Variants in MARCHF1 observed in about 807,000 individuals in gnomAD.
The protein encoded by MARCHF1 is E3 ubiquitin-protein ligase MARCHF1.
A neutral mutation model predicts 54.2 loss-of-function variants in MARCHF1; 40 were observed. The ratio of observed to expected loss-of-function variants is 0.74; its 90% confidence interval spans 0.57 to 0.96. MARCHF1 has a LOEUF of 0.96. MARCHF1 is among the 40% of genes least tolerant of loss of function. The probability of loss-of-function intolerance (pLI) is 0.00; values close to 1 mark genes in which losing one functional copy is unlikely to be tolerated. For missense variants in MARCHF1, 586 were observed against 656.5 expected (o/e 0.89, Z 1.17); for synonymous variants, 236 against 236.3 (o/e 1.00, Z 0.01).
At chr4:163,741,555 C>A (rs940690545) in intron 4 of MARCHF1, among the ~76,000 whole-genome samples, 1 of 151,412 alleles carries the variant, frequency 6.6e-6, no homozygotes, top group Admixed American at 6.6e-5. Flanking sequence ...TGCATTGTAG[C>A]CTGGGTGACA....
chr4:163,992,355 A>G (rs886544267), intron 2 of MARCHF1, among the ~76,000 whole-genome samples: 5 of 152,148 alleles, frequency 3.3e-5, no homozygotes, highest in African/African-American at 9.7e-5. Flanking sequence ...TAAGGAGGTA[A>G]GTCAATTGAA....
chr4:163,901,627 A>C (rs1750942919), intron 3 of MARCHF1, among the ~76,000 whole-genome samples: 1 of 152,200 alleles, frequency 6.6e-6, no homozygotes. Context: ...TGTTATAGAA[A>C]AGCATAGACT....
chr4:164,230,488 G>C (rs1046602623), intron 1 of MARCHF1, among the ~76,000 whole-genome samples: 1 of 149,252 alleles, frequency 6.7e-6, no homozygotes, highest in Non-Finnish European at 1.5e-5. Context: ...GATCAAATCA[G>C]AGTAATTGAG....
At chr4:163,570,015 T>C (rs1029357561) in intron 8 of MARCHF1, among the ~76,000 whole-genome samples, 5 of 152,162 alleles carry the variant, frequency 3.3e-5, no homozygotes, top group African/African-American at 1.2e-4. Context: ...GGTATAACTG[T>C]TTTTCTGTCT....
intron 1 of MARCHF1, among the ~76,000 whole-genome samples, chr4:164,296,504 GGATTACAGGCA>G (rs1401963782): frequency 6.6e-6 from 1 of 151,994 alleles, no homozygotes; most frequent in Non-Finnish European, 1.5e-5. Context: ...CGAGTAGGTG[GGATTACAGGCA>G]GATCCCACCA....
At chr4:163,887,872 A>G (rs535335219) in intron 3 of MARCHF1, among the ~76,000 whole-genome samples, 1 of 152,232 alleles carries the variant, frequency 6.6e-6, no homozygotes, top group South Asian at 2.1e-4. Context: ...ACTCTGGTCA[A>G]GTCAGTCTTC....
intron 9 of MARCHF1, among the ~76,000 whole-genome samples, chr4:163,535,123 C>T (rs1316393867): frequency 6.6e-6 from 1 of 151,822 alleles, no homozygotes; most frequent in South Asian, 2.1e-4. Context: ...TTCACAGTAT[C>T]GTTCATAACG....
chr4:163,626,844 T>G (rs1741888389), intron 5 of MARCHF1, among the ~76,000 whole-genome samples: 1 of 152,080 alleles, frequency 6.6e-6, no homozygotes, highest in South Asian at 2.1e-4. Flanking sequence ...GGGGAATTGC[T>G]TGAACCTGGG....
chr4:164,350,470 T>A (rs1730252886), intron 1 of MARCHF1, among the ~76,000 whole-genome samples: 1 of 152,164 alleles, frequency 6.6e-6, no homozygotes, highest in Admixed American at 6.5e-5. Flanking sequence ...AATAATTTAT[T>A]GTATATTTCC....
Position 163,545,680 on chromosome 4 carries a change from C to G in MARCHF1, c.1255G>C (p.Val419Leu). The G allele has an allele frequency of 6.2e-7, 1 of 1,613,998 alleles. No individual in the cohort carries two copies. Among genetic ancestry groups the G allele is most frequent in the Non-Finnish European group, 8.5e-7 (1 of 1,179,934 alleles). ...CAAACCACACAGGTGATCGCGATTA[C>G]GTGGAATGTGACAGAGCAGAATATT... is the stretch of plus-strand genomic sequence containing the variant. ...RKIFCSVTFHVIAITCVVWSL... is the reference protein window; with the variant it reads ...RKIFCSVTFHLIAITCVVWSL... Residue 419 changes from valine (V) to leucine (L), a missense_variant, in exon 9 of 10, where the codon GTA (valine) becomes CTA (leucine). Val to Leu is a conservative substitution (Grantham distance 32). Around this residue, in one of 3 missense-constraint regions of MARCHF1, gnomAD observed 93 missense variants for 168.2 expected, o/e 0.55. Transcript: ENST00000514618.
intron 7 of MARCHF1, among the ~76,000 whole-genome samples, chr4:163,611,928 G>A (rs1448408423): frequency 6.6e-6 from 1 of 152,054 alleles, no homozygotes; most frequent in African/African-American, 2.4e-5. Context: ...AATTTGCATT[G>A]AAAAGTCTAA....
chr4:163,855,797 T>C (rs1749754107), intron 3 of MARCHF1, among the ~76,000 whole-genome samples: 2 of 152,184 alleles, frequency 1.3e-5, no homozygotes, highest in Admixed American at 1.3e-4. Flanking sequence ...TTTGTAAAGG[T>C]AGCCAACTTC....
intron 2 of MARCHF1, among the ~76,000 whole-genome samples, chr4:163,998,262 G>A (rs28756871): frequency 0.024 from 3,568 of 151,172 alleles, 128 homozygotes; most frequent in East Asian, 0.17. Flanking sequence ...TCATACATTA[G>A]AGCATTGTAA....
At chr4:164,015,502 A>C (rs1237412106) in intron 2 of MARCHF1, among the ~76,000 whole-genome samples, 2 of 152,194 alleles carry the variant, frequency 1.3e-5, no homozygotes, top group African/African-American at 4.8e-5. Flanking sequence ...TAAAGCAATT[A>C]ACAAACTGAA....
chr4:164,138,815 A>G (rs1407778897), intron 1 of MARCHF1, among the ~76,000 whole-genome samples: 1 of 152,166 alleles, frequency 6.6e-6, no homozygotes, highest in East Asian at 1.9e-4. Context: ...TCTTAGAGAG[A>G]TTAAATTTTT....
At chr4:164,145,340 G>A (rs1229662902) in intron 1 of MARCHF1, among the ~76,000 whole-genome samples, 2 of 152,046 alleles carry the variant, frequency 1.3e-5, no homozygotes, top group African/African-American at 4.8e-5. Context: ...GCATCATCCT[G>A]ATACCAAAGC....
chr4:164,164,287 G>A (rs1350945007), intron 1 of MARCHF1, among the ~76,000 whole-genome samples: 2 of 151,750 alleles, frequency 1.3e-5, no homozygotes, highest in African/African-American at 4.8e-5. Flanking sequence ...AAAAGCCATA[G>A]ACCAAAAGTT....
At chr4:164,175,534 A>T (rs1172155628) in intron 1 of MARCHF1, among the ~76,000 whole-genome samples, 1 of 152,242 alleles carries the variant, frequency 6.6e-6, no homozygotes, top group Non-Finnish European at 1.5e-5. Context: ...TGTTCCGTCA[A>T]ATCCCAGTCA....
At chr4:163,913,549 C>T (rs568993800) in intron 3 of MARCHF1, among the ~76,000 whole-genome samples, 4 of 152,102 alleles carry the variant, frequency 2.6e-5, no homozygotes, top group South Asian at 2.1e-4. Flanking sequence ...AATGGGAATA[C>T]GTCAGGAAAT....
Sources: allele counts gnomAD v4.1 joint callset (sites outside exome capture counted in the v4.1 genomes callset), GRCh38; gene constraint gnomAD v4.1.1; regional missense constraint gnomAD v4.1.1; transcripts MANE v1.5; gene names NCBI Gene and HGNC (gene_info 2026-07-23, HGNC 2026-07-21).